ADGRL2: variants seen among roughly 807,000 people sequenced by gnomAD.
ADGRL2 encodes the protein adhesion G protein-coupled receptor L2.
ADGRL2 carries 44 observed loss-of-function variants against 157.4 expected under a neutral mutation model. That is an observed-to-expected ratio of 0.28 (90% CI 0.22 to 0.36). The LOEUF is 0.36. ADGRL2 is among the 10% of genes least tolerant of loss of function. The pLI is 1.00. For synonymous variants in ADGRL2, 585 were observed against 624.7 expected (o/e 0.94, Z 0.95); for missense variants, 1,510 against 1,768.9 (o/e 0.85, Z 2.63).
At chr1:81,736,177 A>G (rs1381826551) in intron 1 of ADGRL2, among the ~76,000 whole-genome samples, 3 of 151,376 alleles carry the variant, frequency 2.0e-5, no homozygotes, top group African/African-American at 7.3e-5. Flanking sequence ...CAAACTGACA[A>G]TCAGTTTGAC....
At chr1:81,834,560 GT>G (rs2092162384) in intron 1 of ADGRL2, among the ~76,000 whole-genome samples, 2 of 152,120 alleles carry the variant, frequency 1.3e-5, no homozygotes, top group Admixed American at 1.3e-4. Flanking sequence ...ATGGAAGGTT[GT>G]TTAAAACTTG....
At chr1:81,722,681 A>T in intron 1 of ADGRL2, 1 of 1,179,200 alleles carries the variant, frequency 8.5e-7, no homozygotes, top group East Asian at 2.3e-5. Flanking sequence ...CCTAGGGCAC[A>T]GGAAATTGCA....
At position 81,469,735 on chromosome 1, in the gene ADGRL2, C is replaced by G. The variant is rs564493430; in HGVS notation, c.-248+24646C>G. 6.6e-4 allele frequency among the ~76,000 whole-genome samples: 101 copies of G among 152,080 alleles called. 1 individual carries two copies. In the Middle Eastern group the frequency reaches 0.017, roughly 26 times the overall value. On this transcript the variant is annotated intron_variant, in intron 2 of 24. Coordinates refer to the ADGRL2 transcript ENST00000370721. ...CATTATAGTGGACTTCTGTTTCAGA[C>G]TCTAGTTTTCTATCTGTCTTCTCCC... is the stretch of plus-strand genomic sequence containing the variant.
At chr1:81,747,031 T>C (rs1010273153) in intron 1 of ADGRL2, among the ~76,000 whole-genome samples, 3 of 145,428 alleles carry the variant, frequency 2.1e-5, no homozygotes, top group African/African-American at 7.4e-5. Flanking sequence ...CACGTGTATA[T>C]ACGTATATAT....
chr1:81,637,679 A>T (rs1159876152), intron 3 of ADGRL2, among the ~76,000 whole-genome samples: 2 of 152,202 alleles, frequency 1.3e-5, no homozygotes, highest in Non-Finnish European at 2.9e-5. Flanking sequence ...TTTTTAGACA[A>T]TTGCGTGGAA....
intron 1 of ADGRL2, among the ~76,000 whole-genome samples, chr1:81,756,061 C>T (rs990629289): frequency 6.6e-6 from 1 of 152,110 alleles, no homozygotes; most frequent in Non-Finnish European, 1.5e-5. Flanking sequence ...ATCACTAATC[C>T]ATATACAACC....
intron 2 of ADGRL2, among the ~76,000 whole-genome samples, chr1:81,884,148 A>G (rs1444844886): frequency 2.6e-5 from 4 of 151,796 alleles, no homozygotes; most frequent in Admixed American, 1.3e-4. Flanking sequence ...ACAACTCCCA[A>G]CTAACTTTTG....
chr1:81,954,076 G>T (rs1042481133), intron 10 of ADGRL2, among the ~76,000 whole-genome samples: 3 of 152,116 alleles, frequency 2.0e-5, no homozygotes, highest in African/African-American at 7.2e-5. Flanking sequence ...TTTAATAGGG[G>T]CAGAGAAATA....
upstream of ADGRL2, among the ~76,000 whole-genome samples, chr1:81,796,114 C>A (rs2087572876): frequency 6.6e-6 from 1 of 152,142 alleles, no homozygotes; most frequent in South Asian, 2.1e-4. Flanking sequence ...CCTCAGCCTC[C>A]CGAGTAGATG....
At chr1:81,606,543 T>G (rs1166082127) in intron 3 of ADGRL2, among the ~76,000 whole-genome samples, 2 of 152,100 alleles carry the variant, frequency 1.3e-5, no homozygotes, top group Non-Finnish European at 2.9e-5. Flanking sequence ...TTAGTTTATA[T>G]CAACCAAGTA....
At chr1:81,356,361 T>A (rs935402334) in intron 1 of ADGRL2, among the ~76,000 whole-genome samples, 16 of 152,184 alleles carry the variant, frequency 1.1e-4, no homozygotes, top group African/African-American at 3.9e-4. Context: ...GGAAACAATA[T>A]GAGCTTTTCA....
chr1:81,623,739 C>T (rs797006370), intron 3 of ADGRL2, among the ~76,000 whole-genome samples: 90 of 148,598 alleles, frequency 6.1e-4, no homozygotes, highest in African/African-American at 1.9e-3. Context: ...CAGGTTCAAG[C>T]GATTCTCCTG....
At chr1:81,543,368 T>A (rs1353230630) in intron 2 of ADGRL2, among the ~76,000 whole-genome samples, 1 of 152,188 alleles carries the variant, frequency 6.6e-6, no homozygotes, top group African/African-American at 2.4e-5. Flanking sequence ...GCATTATCTA[T>A]GAAGAAGCAG....
intron 1 of ADGRL2, among the ~76,000 whole-genome samples, chr1:81,313,904 T>A (rs1423057354): frequency 6.6e-6 from 1 of 152,218 alleles, no homozygotes; most frequent in East Asian, 1.9e-4. Context: ...AAACATCTAG[T>A]ATTGATATTT....
At chr1:81,695,851 G>A (rs1486090151), upstream of ADGRL2, among the ~76,000 whole-genome samples, 1 of 151,782 alleles carries the variant, frequency 6.6e-6, no homozygotes, top group East Asian at 1.9e-4. Flanking sequence ...TTAAGTGTGA[G>A]CTCCTTGAAA....
intron 2 of ADGRL2, among the ~76,000 whole-genome samples, chr1:81,520,340 T>G (rs1426820083): frequency 6.6e-6 from 1 of 152,104 alleles, no homozygotes; most frequent in Non-Finnish European, 1.5e-5. Context: ...GATAAAGCTG[T>G]GAGTGACATA....
At chr1:81,419,150 G>A (rs1178841921) in intron 1 of ADGRL2, among the ~76,000 whole-genome samples, 2 of 150,816 alleles carry the variant, frequency 1.3e-5, no homozygotes, top group Non-Finnish European at 3.0e-5. Context: ...TGTACTTCTG[G>A]ACTGTTTCTT....
At chr1:81,638,024 A>G (rs2082147341) in intron 3 of ADGRL2, among the ~76,000 whole-genome samples, 1 of 152,218 alleles carries the variant, frequency 6.6e-6, no homozygotes, top group Non-Finnish European at 1.5e-5. Flanking sequence ...GGTTTGGTCA[A>G]TGACAGACTT....
At chr1:81,718,616 T>A (rs2084196167) in intron 1 of ADGRL2, among the ~76,000 whole-genome samples, 1 of 152,232 alleles carries the variant, frequency 6.6e-6, no homozygotes, top group Non-Finnish European at 1.5e-5. Flanking sequence ...CTTTTCATTA[T>A]CTACAAAAGT....
Sources: allele counts gnomAD v4.1 joint callset (sites outside exome capture counted in the v4.1 genomes callset), GRCh38; gene constraint gnomAD v4.1.1; transcripts MANE v1.5; gene names NCBI Gene and HGNC (gene_info 2026-07-23, HGNC 2026-07-21).